The following CREG1 variants were observed in gnomAD, a reference collection of about 807,000 sequenced individuals.
CREG1 encodes the protein protein CREG1.
Under a neutral mutation model 19.9 loss-of-function variants are expected in CREG1, and 20 were observed. The ratio of observed to expected loss-of-function variants is 1.01; its 90% CI spans 0.71 to 1.46. The LOEUF (loss-of-function observed/expected upper bound fraction) is 1.46, where lower values mean the gene tolerates loss of function less well. Among genes scored for constraint, CREG1 ranks in the 40% most tolerant of loss-of-function variants. The pLI, the probability that CREG1 is intolerant of heterozygous loss-of-function variation, is 0.00. For synonymous variants in CREG1, 141 were observed against 143.3 expected (o/e 0.98, Z 0.12); for missense variants, 290 against 314.9 (o/e 0.92, Z 0.60).
chr1:167,547,836 G>A (rs987860180), intron 2 of CREG1, among the ~76,000 whole-genome samples, 166 bp downstream of exon 2: 10 of 152,088 alleles, frequency 6.6e-5, no homozygotes, highest in South Asian at 4.1e-4. Flanking sequence ...CACAAGACTC[G>A]CTTGAACCCA....
At position 167,553,481 on chromosome 1, in the gene CREG1, G is replaced by T. The variant is rs962004804; in HGVS notation, c.261C>A (p.Asp87Glu). ...LEAVRGRPFADVLSLSDGPPG... is the reference protein window; with the variant it reads ...LEAVRGRPFAEVLSLSDGPPG... ...GGGGCCCGTCGCTGAGCGAGAGGAC[G>T]TCGGCGAAGGGCCGGCCGCGCACCG... The change falls in exon 1 of 4, where the codon GAC (aspartate) becomes GAA (glutamate). Residue 87 changes from aspartate (D) to glutamate (E), a missense_variant. Transcript: ENST00000370509. 34 of 1,488,558 alleles carry T rather than the reference G, an allele frequency of 2.3e-5. No homozygotes were observed. Among genetic ancestry groups the T allele is most frequent in the Non-Finnish European group, 3.0e-5 (34 of 1,126,876 alleles). 92.2% of individuals were successfully genotyped at this position (1,488,558 alleles called of 1,614,324 possible).
rs1182273193 is a variant in CREG1, at chr1:167,541,503, A to G, written c.*795T>C. The G allele has an allele frequency of 6.6e-6, 1 of 152,212 alleles. No individual in the cohort carries two copies. Among genetic ancestry groups the G allele is most frequent in the Non-Finnish European group, 1.5e-5 (1 of 68,034 alleles). The allele number at this position is 152,212 out of a possible 1,614,324, so 9.4% of individuals were successfully genotyped here. On this transcript the variant is annotated 3_prime_UTR_variant, in exon 4 of 4. Coordinates refer to ENST00000370509, the MANE Select transcript of CREG1 (RefSeq NM_003851.3). ...GGGTAAACTTTACTTATAAAAGAATACCAGGAACACACAAAATATTCTTCT... is the reference window on the plus strand; with the variant it reads ...GGGTAAACTTTACTTATAAAAGAATGCCAGGAACACACAAAATATTCTTCT...
chr1:167,544,011 C>A (rs1016223488), intron 3 of CREG1, among the ~76,000 whole-genome samples: 5 of 152,220 alleles, frequency 3.3e-5, no homozygotes, highest in Non-Finnish European at 5.9e-5. Context: ...GAGATTATGT[C>A]CTGTGAAAGT....
intron 1 of CREG1, among the ~76,000 whole-genome samples, chr1:167,550,241 G>C (rs947199611): frequency 2.6e-5 from 4 of 152,030 alleles, no homozygotes; most frequent in Non-Finnish European, 5.9e-5. Flanking sequence ...CGCTCACCTC[G>C]ACCTCCCAAA....
rs376218103 is a variant in CREG1, at chr1:167,546,136, G to A, written c.624C>T (p.Ile208=). 8.1e-6 allele frequency: 13 copies of A among 1,609,018 alleles called. No homozygotes were observed. The highest frequency in any genetic ancestry group is 5.1e-5 in the Admixed American group (3 of 58,612). ...CATTATAATATTCTTCTGGTGTCAC[G>A]ATTTTTGGTCCACCAAAGTAGTCCA... ...WVLDYFGGPK[I]VTPEEYYNVT... is the part of the protein sequence containing the mutation. The change falls in exon 3 of 4, where the codon ATC becomes ATT. Residue 208 remains isoleucine (I), a synonymous_variant. Transcript: ENST00000370509.
chr1:167,549,579 T>C (rs1656389467), intron 1 of CREG1, among the ~76,000 whole-genome samples: 1 of 152,114 alleles, frequency 6.6e-6, no homozygotes, highest in South Asian at 2.1e-4. Flanking sequence ...GAGACTGGGT[T>C]TCATCATGTT....
chr1:167,546,896 C>T (rs1193089726), intron 2 of CREG1, among the ~76,000 whole-genome samples: 1 of 152,220 alleles, frequency 6.6e-6, no homozygotes, highest in Non-Finnish European at 1.5e-5. Flanking sequence ...TGTAACATTA[C>T]TGGTGCCTAA....
At chr1:167,544,781 G>C (rs1656289175) in intron 3 of CREG1, among the ~76,000 whole-genome samples, 1 of 152,184 alleles carries the variant, frequency 6.6e-6, no homozygotes, top group African/African-American at 2.4e-5. Context: ...GCGCAAGAAA[G>C]GGATGTGGTG....
At position 167,546,217 on chromosome 1, in the gene CREG1, C is replaced by CCAGG; in HGVS notation, c.539_542dup (p.Trp181CysfsTer7). 1 of 1,613,054 alleles carries CCAGG rather than the reference C, an allele frequency of 6.2e-7. No homozygotes were observed. Among genetic ancestry groups the CCAGG allele is most frequent in the Admixed American group, 1.7e-5 (1 of 59,760 alleles). ...CAAAGAACCAATTATGGCTGGAAGG[C>CCAGG]CAGGTTTTCATCTCAGGGTGTCGAA... On this transcript the variant is annotated frameshift_variant, in exon 3 of 4. Coordinates refer to ENST00000370509, the MANE Select transcript of CREG1 (RefSeq NM_003851.3). LOFTEE classifies it high-confidence loss of function.
intron 1 of CREG1, among the ~76,000 whole-genome samples, chr1:167,550,284 C>T (rs1490312070): frequency 1.3e-5 from 2 of 152,332 alleles, no homozygotes; most frequent in African/African-American, 2.4e-5. Flanking sequence ...CCTCCGCACC[C>T]GCCTCTATAT....
intron 1 of CREG1, among the ~76,000 whole-genome samples, chr1:167,551,838 G>A (rs1257672241): frequency 6.6e-6 from 1 of 152,226 alleles, no homozygotes; most frequent in Non-Finnish European, 1.5e-5. Flanking sequence ...ACGCCTAAAG[G>A]TGTGGAATGG....
intron 3 of CREG1, among the ~76,000 whole-genome samples, chr1:167,545,478 T>C (rs902668706): frequency 1.3e-5 from 2 of 152,218 alleles, no homozygotes; most frequent in Non-Finnish European, 2.9e-5. Context: ...GTTCATATCA[T>C]GTCACAGGTG....
Position 167,541,479 on chromosome 1 carries a change from G to A in CREG1, c.*819C>T, listed in dbSNP as rs1656221815. 1 of 152,058 alleles carries A rather than the reference G, an allele frequency of 6.6e-6. No homozygotes were observed. Among genetic ancestry groups the A allele is most frequent in the Non-Finnish European group, 1.5e-5 (1 of 68,012 alleles). 9.4% of individuals were successfully genotyped at this position (152,058 alleles called of 1,614,324 possible). On this transcript the variant is annotated 3_prime_UTR_variant, in exon 4 of 4. Coordinates refer to ENST00000370509, the MANE Select transcript of CREG1 (RefSeq NM_003851.3). ...CCTGGCTGAAGCTGGTCCATGCCTGGGTAAACTTTACTTATAAAAGAATAC... is the reference window on the plus strand; with the variant it reads ...CCTGGCTGAAGCTGGTCCATGCCTGAGTAAACTTTACTTATAAAAGAATAC...
At chr1:167,546,580 T>C (rs1279633638) in intron 2 of CREG1, among the ~76,000 whole-genome samples, 1 of 151,694 alleles carries the variant, frequency 6.6e-6, no homozygotes, top group African/African-American at 2.4e-5. Flanking sequence ...AGGCGGAGCT[T>C]GCGGTGAGCC....
rs1195301110 is a variant in CREG1 at position 167,542,092 on chromosome 1, G to A, written c.*206C>T. The stretch of plus-strand genomic sequence containing the variant: ...AAAATGGCTTCAAAATAGGAAAAAA[G>A]TAGCTACCACATCTTCCAGGAAATC... On this transcript the variant is annotated 3_prime_UTR_variant, in exon 4 of 4. Transcript: ENST00000370509. 1 of 468,052 alleles carries A rather than the reference G, an allele frequency of 2.1e-6. No individual in the cohort carries two copies. Among genetic ancestry groups the A allele is most frequent in the Admixed American group, 3.5e-5 (1 of 28,516 alleles). 29.0% of individuals were successfully genotyped at this position (468,052 alleles called of 1,614,324 possible).
At chr1:167,545,676 A>G (rs1170465628) in intron 3 of CREG1, among the ~76,000 whole-genome samples, 2 of 152,088 alleles carry the variant, frequency 1.3e-5, no homozygotes, top group Non-Finnish European at 1.5e-5. Context: ...GTGGTGGTCT[A>G]TGCCTGTATT....
intron 3 of CREG1, 24 bp from the exon 4 acceptor site, chr1:167,542,325 T>C (rs768882195): frequency 3.1e-6 from 5 of 1,597,364 alleles, no homozygotes; most frequent in Non-Finnish European, 4.3e-6. Flanking sequence ...CAGAGAAGAA[T>C]TATTTTGTTA....
chr1:167,549,806 T>A (rs1435097752), intron 1 of CREG1, among the ~76,000 whole-genome samples: 1 of 152,120 alleles, frequency 6.6e-6, no homozygotes, highest in African/African-American at 2.4e-5. Flanking sequence ...CATCTCATCC[T>A]CCTGAGTAGC....
intron 3 of CREG1, 73 bp from the exon 4 acceptor site, chr1:167,542,374 G>A: frequency 7.2e-7 from 1 of 1,390,936 alleles, no homozygotes; most frequent in Admixed American, 2.1e-5. Flanking sequence ...TTCATTCTAG[G>A]GAAGGACTAG....
Sources: gnomAD v4.1 joint callset for allele counts (sites outside exome capture counted in the v4.1 genomes callset) on GRCh38, gnomAD v4.1.1 for gene constraint, MANE v1.5 for transcripts, NCBI Gene and HGNC (gene_info 2026-07-23, HGNC 2026-07-21) for gene names.